The following STRADA variants were observed in gnomAD, a reference collection of about 807,000 sequenced individuals.
The protein encoded by STRADA is STE20 related adaptor alpha, also known as STE20-related kinase adapter protein alpha.
A neutral mutation model predicts 55.0 loss-of-function variants in STRADA; 26 were observed. The ratio of observed to expected loss-of-function variants is 0.47; its 90% CI spans 0.35 to 0.66. The LOEUF (loss-of-function observed/expected upper bound fraction) is 0.66, where lower values mean the gene tolerates loss of function less well. Among genes scored for constraint, STRADA ranks in the 30% least tolerant of loss-of-function variants. The pLI, the probability that STRADA is intolerant of heterozygous loss-of-function variation, is 0.01. For missense variants in STRADA, 443 were observed against 549.7 expected, an observed-to-expected ratio of 0.81 and a Z score of 1.94; for synonymous variants, 197 against 210.9, an observed-to-expected ratio of 0.93 and a Z score of 0.57.
At chr17:63,741,877 A>G (rs904749315), upstream of STRADA, 1 of 152,334 alleles carries the variant, frequency 6.6e-6, no homozygotes, top group East Asian at 1.9e-4. Flanking sequence ...GGGAGGACTG[A>G]TAGAGCGCTC....
chr17:63,721,244 T>C (rs4644909), intron 4 of STRADA, among the ~76,000 whole-genome samples: 105,793 of 151,138 alleles, frequency 0.7, 38,413 homozygotes, highest in African/African-American at 0.92. Flanking sequence ...TGGTGGCGGG[T>C]GCCTGTAGTC....
chr17:63,724,606 G>GT, intron 3 of STRADA, among the ~76,000 whole-genome samples: 1 of 152,268 alleles, frequency 6.6e-6, no homozygotes, highest in Non-Finnish European at 1.5e-5. Flanking sequence ...CAGAGATGGG[G>GT]TTTTCACCAT....
chr17:63,707,523 G>A, intron 8 of STRADA, 105 bp from the exon 9 acceptor site: 1 of 1,017,298 alleles, frequency 9.8e-7, no homozygotes, highest in Non-Finnish European at 1.5e-6. Context: ...GTGTGCGTGT[G>A]TTATACACGT....
intron 4 of STRADA, chr17:63,719,057 T>C (rs2037102725): frequency 6.6e-6 from 1 of 152,130 alleles, no homozygotes; most frequent in African/African-American, 2.4e-5. Flanking sequence ...AAAATGAAAA[T>C]GATTTAAGCA....
At chr17:63,716,579 C>T (rs1413565822) in intron 4 of STRADA, among the ~76,000 whole-genome samples, 1 of 152,090 alleles carries the variant, frequency 6.6e-6, no homozygotes, top group African/African-American at 2.4e-5. Context: ...TGTCTCTTGA[C>T]CATTTTCCTG....
chr17:63,727,714 G>T (rs952799687), intron 2 of STRADA: 1 of 152,158 alleles, frequency 6.6e-6, no homozygotes, highest in Non-Finnish European at 1.5e-5. Context: ...TGTAAAGAAA[G>T]TGGTATACTC....
chr17:63,723,375 A>C, intron 3 of STRADA, 49 bp from the exon 4 acceptor site: 1 of 1,608,452 alleles, frequency 6.2e-7, no homozygotes, highest in Non-Finnish European at 8.5e-7. Flanking sequence ...AGCAGAAGAC[A>C]CACCCACATT....
At chr17:63,726,836 G>C in intron 2 of STRADA, 141 bp from the exon 3 acceptor site, 2 of 743,578 alleles carry the variant, frequency 2.7e-6, no homozygotes, top group Non-Finnish European at 4.3e-6. Flanking sequence ...CTATGGAAAA[G>C]TTTTTAACAG....
intron 1 of STRADA, among the ~76,000 whole-genome samples, chr17:63,732,159 C>A (rs1436388853): frequency 6.6e-6 from 1 of 152,100 alleles, no homozygotes; most frequent in Non-Finnish European, 1.5e-5. Flanking sequence ...TGAGCCACCG[C>A]GCCTGGCCTA....
chr17:63,704,206 G>C, intron 11 of STRADA, 135 bp downstream of exon 11: 1 of 1,527,644 alleles, frequency 6.5e-7, no homozygotes, highest in Non-Finnish European at 8.8e-7. Context: ...GACACACCCA[G>C]GAGCTGATCC....
intron 8 of STRADA, 129 bp from the exon 9 acceptor site, chr17:63,707,547 A>C (rs2036185205): frequency 1.0e-5 from 8 of 796,282 alleles, no homozygotes; most frequent in Non-Finnish European, 1.6e-5. Flanking sequence ...TGTGTATTTT[A>C]CATATACATA....
intron 4 of STRADA, chr17:63,714,550 C>T (rs537000513): frequency 5.6e-5 from 14 of 248,112 alleles, no homozygotes; most frequent in Admixed American, 2.0e-4. Flanking sequence ...AAAGGTCAAA[C>T]GCTGAATCTT....
At chr17:63,738,420 G>C (rs1351931253) in intron 1 of STRADA, among the ~76,000 whole-genome samples, 2 of 151,892 alleles carry the variant, frequency 1.3e-5, no homozygotes, top group Non-Finnish European at 2.9e-5. Flanking sequence ...GGGGTGGTGT[G>C]AGATTCAGCA....
At chr17:63,737,005 T>C (rs2038485193) in intron 1 of STRADA, among the ~76,000 whole-genome samples, 1 of 151,648 alleles carries the variant, frequency 6.6e-6, no homozygotes, top group Non-Finnish European at 1.5e-5. Flanking sequence ...TCCCAGCACT[T>C]TGGGAGGCTG....
chr17:63,723,327 C>G lies in STRADA; in HGVS notation c.95-1G>C. On this transcript the variant is annotated splice_acceptor_variant, in intron 3 of 12. Coordinates refer to ENST00000336174, the MANE Select transcript of STRADA (RefSeq NM_001003787.4). LOFTEE classifies it high-confidence loss of function. Reference sequence around the variant, plus strand: ...CTCCGAGTGTCACCCGGAGGCTGCTCTGGGGTAGAGAAATTGATTGTTGGC... The same window carrying G: ...CTCCGAGTGTCACCCGGAGGCTGCTGTGGGGTAGAGAAATTGATTGTTGGC... The G allele has an allele frequency of 6.2e-7, 1 of 1,614,172 alleles. No homozygotes were observed. The highest frequency in any genetic ancestry group is 8.5e-7 in the Non-Finnish European group (1 of 1,180,036).
At position 63,712,807 on chromosome 17, in the gene STRADA, C is replaced by T. The variant is rs948067561; in HGVS notation, c.348+599G>A. ...CCTGAAGTCAGGAGTTTGAGACCAG[C>T]CTGGCCAACATGAAGAAACCCCGTC... On this transcript the variant is annotated intron_variant, in intron 6 of 12. Coordinates refer to ENST00000336174, the MANE Select transcript of STRADA (RefSeq NM_001003787.4). 2.0e-5 allele frequency among the ~76,000 whole-genome samples: 3 copies of T among 151,990 alleles called. No individual in the cohort carries two copies. The East Asian group carries it at 5.8e-4, about 29-fold the overall frequency.
intron 1 of STRADA, among the ~76,000 whole-genome samples, chr17:63,730,125 T>C (rs1201726122): frequency 1.3e-5 from 2 of 152,128 alleles, no homozygotes; most frequent in Admixed American, 6.6e-5. Flanking sequence ...CATGAGCCAC[T>C]GTGCCCAGAC....
Position 63,739,686 on chromosome 17 carries a change from CAT to C in STRADA, c.-45+2053_-45+2054del, listed in dbSNP as rs199800575. 9.5e-3 allele frequency among the ~76,000 whole-genome samples: 1,413 copies of C among 148,144 alleles called. 23 individuals carry two copies. Among genetic ancestry groups the C allele is most frequent in the African/African-American group, 0.033 (1,319 of 40,448 alleles). Reference sequence around the variant, plus strand: ...CATATATGTATATATTATATATGTACATAGTGTATTAATATGTATACATATAT... The same window carrying C: ...CATATATGTATATATTATATATGTACAGTGTATTAATATGTATACATATAT... On this transcript the variant is annotated intron_variant, in intron 1 of 12. Coordinates refer to ENST00000336174, the MANE Select transcript of STRADA (RefSeq NM_001003787.4).
intron 1 of STRADA, among the ~76,000 whole-genome samples, chr17:63,730,362 A>C (rs540057646): frequency 1.3e-5 from 2 of 150,328 alleles, no homozygotes; most frequent in East Asian, 3.9e-4. Context: ...TACAATCTGG[A>C]CTAACTGCTT....
Sources: gnomAD v4.1 joint callset for allele counts (sites outside exome capture counted in the v4.1 genomes callset) on GRCh38, gnomAD v4.1.1 for gene constraint, MANE v1.5 for transcripts, NCBI Gene and HGNC (gene_info 2026-07-23, HGNC 2026-07-21) for gene names.